ST3GAL2: variants seen among roughly 807,000 people sequenced by gnomAD.
The protein encoded by ST3GAL2 is CMP-N-acetylneuraminate-beta-galactosamide-alpha-2,3-sialyltransferase 2.
ST3GAL2 carries 16 observed loss-of-function variants against 37.5 expected under a neutral mutation model. The ratio of observed to expected loss-of-function variants is 0.43; its 90% CI spans 0.29 to 0.65. ST3GAL2 has a LOEUF of 0.65. ST3GAL2 is among the 30% of genes least tolerant of loss of function. The pLI, the probability that ST3GAL2 is intolerant of heterozygous loss-of-function variation, is 0.17. For missense variants in ST3GAL2, 383 were observed against 487.8 expected (o/e 0.79, Z 2.02); for synonymous variants, 238 against 202.9 (o/e 1.17, Z -1.47).
chr16:70,394,309 T>A (rs2047501027), intron 3 of ST3GAL2, among the ~76,000 whole-genome samples: 2 of 152,204 alleles, frequency 1.3e-5, no homozygotes, highest in Admixed American at 1.3e-4. Context: ...AGCAGGATGC[T>A]AGCTGGGCTT....
At chr16:70,435,863 C>T (rs1002682626) in intron 1 of ST3GAL2, among the ~76,000 whole-genome samples, 1 of 151,934 alleles carries the variant, frequency 6.6e-6, no homozygotes, top group African/African-American at 2.4e-5. Flanking sequence ...CGGAGTAGCT[C>T]ACGCCTCTAA....
intron 1 of ST3GAL2, among the ~76,000 whole-genome samples, chr16:70,404,036 GA>G (rs1268338645): frequency 6.6e-6 from 1 of 152,152 alleles, no homozygotes; most frequent in African/African-American, 2.4e-5. Context: ...CATGCAGTTG[GA>G]AACAGGCAGT....
intron 1 of ST3GAL2, among the ~76,000 whole-genome samples, chr16:70,436,578 A>G (rs2047827156): frequency 6.6e-6 from 1 of 152,080 alleles, no homozygotes; most frequent in African/African-American, 2.4e-5. Flanking sequence ...GATGCAAAAT[A>G]TAGGCTCCAC....
At chr16:70,433,601 C>T (rs891918048) in intron 1 of ST3GAL2, among the ~76,000 whole-genome samples, 19 of 152,232 alleles carry the variant, frequency 1.2e-4, no homozygotes, top group East Asian at 1.2e-3. Context: ...AGATATGAAT[C>T]CCAAGCAGTG....
Position 70,402,843 on chromosome 16 carries a change from G to A in ST3GAL2, c.-1003-3310C>T, listed in dbSNP as rs189414062. 5.4e-3 allele frequency among the ~76,000 whole-genome samples: 824 copies of A among 152,202 alleles called. 6 individuals are homozygous for A. Among genetic ancestry groups the A allele is most frequent in the Non-Finnish European group, 8.3e-3 (567 of 68,000 alleles). ...TTTTTGTATTTTTAGTAGAGATGGG[G>A]TTTCACCATGTTGGCCAGGCTGGTC... On this transcript the variant is annotated intron_variant, in intron 1 of 6. Transcript: ENST00000342907.
intron 1 of ST3GAL2, among the ~76,000 whole-genome samples, chr16:70,432,275 G>T (rs1294784700): frequency 6.6e-6 from 1 of 152,136 alleles, no homozygotes. Context: ...AAACATATTT[G>T]AATTGAGGGA....
At chr16:70,392,813 C>T (rs1265379018) in intron 3 of ST3GAL2, among the ~76,000 whole-genome samples, 2 of 152,254 alleles carry the variant, frequency 1.3e-5, no homozygotes, top group Admixed American at 1.3e-4. Context: ...GAGATAGGGT[C>T]TTGCTCTGTT....
At chr16:70,438,499 G>C (rs2047842392) in intron 1 of ST3GAL2, among the ~76,000 whole-genome samples, 2 of 152,186 alleles carry the variant, frequency 1.3e-5, no homozygotes, top group South Asian at 4.1e-4. Context: ...ACAGGGGAGA[G>C]AGGAAAGAGG....
At chr16:70,436,990 G>A (rs2047829739) in intron 1 of ST3GAL2, among the ~76,000 whole-genome samples, 1 of 152,070 alleles carries the variant, frequency 6.6e-6, no homozygotes, top group African/African-American at 2.4e-5. Context: ...CCCCAATCCT[G>A]GTATTGCAGA....
intron 4 of ST3GAL2, 122 bp from the exon 5 acceptor site, chr16:70,383,357 C>T (rs932112829): frequency 1.1e-5 from 9 of 844,742 alleles, no homozygotes; most frequent in Middle Eastern, 7.8e-4. Flanking sequence ...TCGAGGCCAG[C>T]CGGATCACCT....
At chr16:70,431,087 G>A (rs2151680924) in intron 1 of ST3GAL2, among the ~76,000 whole-genome samples, 1 of 151,522 alleles carries the variant, frequency 6.6e-6, no homozygotes, top group South Asian at 2.1e-4. Context: ...AGACAGGAAG[G>A]AGGGGGCGTG....
rs2047387076 is a variant in ST3GAL2, at chr16:70,380,154, C to A, written c.*1535G>T. The A allele has an allele frequency of 6.6e-6, 1 of 152,112 alleles. No individual in the cohort carries two copies. Among genetic ancestry groups the A allele is most frequent in the Admixed American group, 6.6e-5 (1 of 15,250 alleles). The allele number at this position is 152,112 out of a possible 1,614,324, so 9.4% of individuals were successfully genotyped here. A position where few individuals can be genotyped will look rare whatever the true frequency, so the allele number is the denominator to read the frequency against. ...CATTCTACTAACCCCACCCCAATCA[C>A]CCCTATTTTTACTCTTTCTACTTTC... On this transcript the variant is annotated 3_prime_UTR_variant, in exon 7 of 7. Coordinates refer to ENST00000342907, the MANE Select transcript of ST3GAL2 (RefSeq NM_006927.4).
rs143646582 is a variant in ST3GAL2 at position 70,395,109 on chromosome 16, G to A, written c.406C>T (p.Pro136Ser). The A allele has an allele frequency of 5.9e-5, 96 of 1,613,730 alleles. No homozygotes were observed. The highest frequency in any genetic ancestry group is 4.9e-4 in the Middle Eastern group (3 of 6,084). ...EVLEKLFQIV[P>S]GENPYRFRDP... ...CGGAAGCGGTAGGGGTTCTCGCCAG[G>A]CACTATCTGGAACAGCTTCTCCAGC... is the stretch of plus-strand genomic sequence containing the variant. Residue 136 changes from proline to serine, a missense_variant, in exon 3 of 7, where the codon CCT (proline) becomes TCT (serine). Coordinates refer to ENST00000342907, the MANE Select transcript of ST3GAL2 (RefSeq NM_006927.4).
In ST3GAL2 at chr16:70,389,855, C is replaced by G. The variant is rs376488274; in HGVS notation, c.534-1309G>C. Reference sequence around the variant, plus strand: ...AGGCTGGAGTGCAGTGTCACAATCTCGGCTCACTGGAAGCTCCGCCTCCTG... The same window carrying G: ...AGGCTGGAGTGCAGTGTCACAATCTGGGCTCACTGGAAGCTCCGCCTCCTG... On this transcript the variant is annotated intron_variant, in intron 3 of 6. Transcript: ENST00000342907. Among the ~76,000 whole-genome samples, 3 of 150,862 alleles carry G rather than the reference C, an allele frequency of 2.0e-5. No individual in the cohort carries two copies. In the South Asian group the frequency reaches 6.3e-4, roughly 32 times the overall value.
At chr16:70,425,923 G>A (rs1056716956) in intron 1 of ST3GAL2, among the ~76,000 whole-genome samples, 1 of 152,190 alleles carries the variant, frequency 6.6e-6, no homozygotes, top group Non-Finnish European at 1.5e-5. Context: ...GAACTGCCCA[G>A]ACGTGCGGAT....
intron 1 of ST3GAL2, among the ~76,000 whole-genome samples, chr16:70,432,760 C>T (rs746267697): frequency 6.6e-6 from 1 of 152,196 alleles, no homozygotes; most frequent in Non-Finnish European, 1.5e-5. Context: ...AAGGAAAACT[C>T]GGTCTCAGAA....
At chr16:70,395,326 C>A in intron 2 of ST3GAL2, 151 bp from the exon 3 acceptor site, 1 of 702,908 alleles carries the variant, frequency 1.4e-6, no homozygotes. Flanking sequence ...GGGTTCTTTC[C>A]TCTGGGCAGT....
At position 70,377,673 on chromosome 16, in the gene ST3GAL2, A is replaced by G. The variant is rs1196486444; in HGVS notation, c.*4016T>C. ...CCCCGTCTCTACTAAAAATACAAAA[A>G]TTAGCTGGGCATGGTGGTGCGCATC... On this transcript the variant is annotated 3_prime_UTR_variant, in exon 7 of 7. Coordinates refer to ENST00000342907, the MANE Select transcript of ST3GAL2 (RefSeq NM_006927.4). The G allele has an allele frequency of 6.6e-6, 1 of 151,780 alleles. No individual in the cohort carries two copies. The highest frequency in any genetic ancestry group is 1.5e-5 in the Non-Finnish European group (1 of 67,976). The allele number at this position is 151,780 out of a possible 1,614,324, so 9.4% of individuals were successfully genotyped here.
intron 4 of ST3GAL2, among the ~76,000 whole-genome samples, chr16:70,387,612 T>C (rs1252751009): frequency 6.6e-6 from 1 of 152,030 alleles, no homozygotes; most frequent in African/African-American, 2.4e-5. Context: ...TATACAACTC[T>C]GAATATATAA....
Sources: gnomAD v4.1 joint callset for allele counts (sites outside exome capture counted in the v4.1 genomes callset) on GRCh38, gnomAD v4.1.1 for gene constraint, MANE v1.5 for transcripts, NCBI Gene and HGNC (gene_info 2026-07-23, HGNC 2026-07-21) for gene names.